Variants in INSL6 observed in about 807,000 individuals in gnomAD.
The protein encoded by INSL6 is insulin like 6.
Under a neutral mutation model 9.4 loss-of-function variants are expected in INSL6, and 16 were observed. That is an observed-to-expected ratio of 1.70 (90% CI 1.15 to 2.59). The LOEUF is 2.59. Among genes scored for constraint, INSL6 ranks in the 30% most tolerant of loss-of-function variants. The probability of loss-of-function intolerance (pLI) is 0.00; values close to 1 mark genes in which losing one functional copy is unlikely to be tolerated. For synonymous variants in INSL6, 154 were observed against 96.9 expected (o/e 1.59, Z -3.46); for missense variants, 391 against 257.3 (o/e 1.52, Z -3.56).
chr9:5,087,208 C>T, the INSL6 span, among the ~76,000 whole-genome samples: 1 of 152,166 alleles, frequency 6.6e-6, no homozygotes, highest in Non-Finnish European at 1.5e-5. Flanking sequence ...GACAGTTACC[C>T]ATGGCTGGGG....
At chr9:5,132,640 C>A (rs1474669078) in intron 3 of INSL6, among the ~76,000 whole-genome samples, 1 of 152,008 alleles carries the variant, frequency 6.6e-6, no homozygotes, top group Non-Finnish European at 1.5e-5. Flanking sequence ...GTGCAAGCTA[C>A]GTACAACTTC....
the INSL6 span, chr9:5,110,897 G>A: frequency 4.0e-5 from 22 of 545,816 alleles, no homozygotes; most frequent in Non-Finnish European, 7.0e-5. Flanking sequence ...TGAGATGCCC[G>A]CTCTGGCCCC....
the INSL6 span, among the ~76,000 whole-genome samples, chr9:5,074,831 G>C: frequency 6.6e-6 from 1 of 151,724 alleles, no homozygotes; most frequent in Non-Finnish European, 1.5e-5. Flanking sequence ...CATTGATGAA[G>C]ATGGCTTAGA....
At chr9:5,114,932 A>AAAACAAAC in the INSL6 span, 1 of 178,062 alleles carries the variant, frequency 5.6e-6, no homozygotes, top group African/African-American at 2.4e-5. Context: ...GCCTGCTCAG[A>AAAACAAAC]AAACAAACAA....
the INSL6 span, among the ~76,000 whole-genome samples, chr9:5,030,738 TA>T: frequency 6.6e-6 from 1 of 152,110 alleles, no homozygotes. Context: ...GCTCTCTCAA[TA>T]AATTTTAGTA....
At chr9:5,052,370 A>G in the INSL6 span, among the ~76,000 whole-genome samples, 1 of 152,182 alleles carries the variant, frequency 6.6e-6, no homozygotes, top group African/African-American at 2.4e-5. Context: ...TCATGCTCTT[A>G]GCCAGGATAT....
the INSL6 span, chr9:5,113,964 G>C: frequency 1.5e-5 from 4 of 272,112 alleles, no homozygotes; most frequent in Admixed American, 4.5e-5. Context: ...GGTACACCCA[G>C]GTGCCATCAG....
At chr9:5,055,002 A>T in the INSL6 span, 1 of 720,386 alleles carries the variant, frequency 1.4e-6, no homozygotes, top group Non-Finnish European at 2.2e-6. Context: ...ATAGAAGTGG[A>T]AGTTTTTAAT....
chr9:5,085,809 A>G, the INSL6 span: 1 of 758,212 alleles, frequency 1.3e-6, no homozygotes, highest in East Asian at 2.5e-5. Context: ...CATTAGTACC[A>G]CAATAATTGA....
At chr9:5,144,732 CCT>C (rs1554689570) in intron 2 of INSL6, among the ~76,000 whole-genome samples, 8 of 152,148 alleles carry the variant, frequency 5.3e-5, no homozygotes, top group East Asian at 1.9e-4. Flanking sequence ...ATGTAATACC[CCT>C]GTCTTTTTAA....
the INSL6 span, among the ~76,000 whole-genome samples, chr9:5,115,000 T>G: frequency 6.6e-6 from 1 of 152,122 alleles, no homozygotes; most frequent in Non-Finnish European, 1.5e-5. Flanking sequence ...ATTCAGGACA[T>G]AGGCATGGGC....
At chr9:5,182,332 T>C (rs561169921) in intron 1 of INSL6, among the ~76,000 whole-genome samples, 1 of 152,212 alleles carries the variant, frequency 6.6e-6, no homozygotes, top group African/African-American at 2.4e-5. Context: ...AATGCATAAT[T>C]TGCAAAAACT....
At chr9:5,118,330 CTTTGTA>C in the INSL6 span, among the ~76,000 whole-genome samples, 1 of 152,208 alleles carries the variant, frequency 6.6e-6, no homozygotes, top group South Asian at 2.1e-4. Context: ...ATATGTTACA[CTTTGTA>C]TTTGGATAAT....
the INSL6 span, chr9:5,109,898 A>C: frequency 1.3e-5 from 2 of 152,190 alleles, no homozygotes; most frequent in African/African-American, 4.8e-5. Context: ...TCGGATGAGA[A>C]GGTATAGGAA....
chr9:5,059,946 G>C, the INSL6 span, among the ~76,000 whole-genome samples: 2 of 152,050 alleles, frequency 1.3e-5, no homozygotes, highest in Non-Finnish European at 2.9e-5. Flanking sequence ...TCTTTTGTAG[G>C]ATGTTTGTAA....
chr9:5,019,627 C>T, the INSL6 span, among the ~76,000 whole-genome samples: 1 of 152,158 alleles, frequency 6.6e-6, no homozygotes, highest in African/African-American at 2.4e-5. Flanking sequence ...TGTGACCTTA[C>T]TTCTTTGATA....
At chr9:5,151,404 AT>A (rs1824710453) in intron 2 of INSL6, among the ~76,000 whole-genome samples, 1 of 152,192 alleles carries the variant, frequency 6.6e-6, no homozygotes, top group Non-Finnish European at 1.5e-5. Flanking sequence ...AAGTATATAA[AT>A]AAAAAGACAA....
chr9:5,143,011 C>T (rs1399293156), intron 2 of INSL6, among the ~76,000 whole-genome samples: 2 of 150,240 alleles, frequency 1.3e-5, no homozygotes, highest in African/African-American at 4.9e-5. Context: ...TACTGATATG[C>T]TTGAACCAAC....
chr9:5,082,109 G>C, the INSL6 span, among the ~76,000 whole-genome samples: 1 of 150,614 alleles, frequency 6.6e-6, no homozygotes, highest in African/African-American at 2.5e-5. Flanking sequence ...AAAGAAAGAA[G>C]ACACAGAGAC....
Sources: allele counts gnomAD v4.1 joint callset (sites outside exome capture counted in the v4.1 genomes callset), GRCh38; gene constraint gnomAD v4.1.1; transcripts MANE v1.5; gene names NCBI Gene and HGNC (gene_info 2026-07-23, HGNC 2026-07-21).